The following GOLGA8B variants were observed in gnomAD, a reference collection of about 807,000 sequenced individuals.
GOLGA8B encodes the protein golgin subfamily A member 8B.
A neutral mutation model predicts 15.6 loss-of-function variants in GOLGA8B; 1 was observed. The ratio of observed to expected loss-of-function variants is 0.06; its 90% CI spans 0.02 to 0.30. The LOEUF (loss-of-function observed/expected upper bound fraction) is 0.30. GOLGA8B is among the 10% of genes least tolerant of loss of function. The pLI is 1.00. For missense variants in GOLGA8B, 17 were observed against 201.3 expected (o/e 0.08, Z 5.54); for synonymous variants, 9 against 80.3 (o/e 0.11, Z 4.75).
rs1471238836 is a variant in GOLGA8B at position 34,546,985 on chromosome 15, A to G, written c.-574-3T>C. ...CCAGTTGACAACGACAACAGTTTCT[A>G]TATAACAAAAGTGAGAGAAAATACT... On this transcript the variant is annotated splice_region_variant and splice_polypyrimidine_tract_variant and intron_variant, in intron 4 of 23. Coordinates refer to ENST00000683415, the MANE Select transcript of GOLGA8B (RefSeq NM_001023567.5). 1 of 107,584 alleles carries G rather than the reference A, an allele frequency of 9.3e-6. No homozygotes were observed. The highest frequency in any genetic ancestry group is 1.8e-5 in the Non-Finnish European group (1 of 56,882). The allele number at this position is 107,584 out of a possible 1,614,324, so 6.7% of individuals were successfully genotyped here. A position where few individuals can be genotyped will look rare whatever the true frequency, so the allele number is the denominator to read the frequency against.
chr15:34,566,026 T>C (rs1595707525), intron 1 of GOLGA8B: 1 of 102,526 alleles, frequency 9.8e-6, no homozygotes, highest in Admixed American at 9.6e-5. Flanking sequence ...AAGGAAGTTC[T>C]GACGCACGCT....
intron 1 of GOLGA8B, among the ~76,000 whole-genome samples, chr15:34,572,021 A>G (rs186450124): frequency 3.9e-4 from 59 of 152,360 alleles, no homozygotes; most frequent in Admixed American, 3.8e-3. Context: ...AGAGAATTAG[A>G]AAGAGAAATT....
chr15:34,573,053 C>T (rs1010613422), intron 1 of GOLGA8B, among the ~76,000 whole-genome samples: 5 of 152,114 alleles, frequency 3.3e-5, no homozygotes, highest in Admixed American at 1.3e-4. Flanking sequence ...AGTTCAAGTC[C>T]AGCCTAGAGA....
intron 1 of GOLGA8B, chr15:34,556,935 C>T: frequency 1.4e-6 from 1 of 696,282 alleles, no homozygotes; most frequent in African/African-American, 1.9e-5. Flanking sequence ...CCTTACAGTT[C>T]TAATGGTGGC....
intron 1 of GOLGA8B, chr15:34,582,833 C>T (rs965203419): frequency 1.2e-4 from 18 of 152,206 alleles, no homozygotes; most frequent in Non-Finnish European, 2.6e-4. Flanking sequence ...GCCAGATCTC[C>T]CTCCAGCAGC....
At chr15:34,543,411 T>C (rs2140333878) in intron 7 of GOLGA8B, among the ~76,000 whole-genome samples, 1 of 143,138 alleles carries the variant, frequency 7.0e-6, no homozygotes, top group East Asian at 2.1e-4. Flanking sequence ...CTCACCATGC[T>C]GCCCAGGCTT....
intron 1 of GOLGA8B, among the ~76,000 whole-genome samples, chr15:34,577,559 CAG>C (rs1420795516): frequency 5.0e-5 from 6 of 120,948 alleles, no homozygotes; most frequent in African/African-American, 1.9e-4. Flanking sequence ...CACACACACA[CAG>C]ATGCGTCACT....
intron 1 of GOLGA8B, among the ~76,000 whole-genome samples, chr15:34,581,018 G>A (rs1231804709): frequency 6.6e-6 from 1 of 152,186 alleles, no homozygotes; most frequent in Non-Finnish European, 1.5e-5. Flanking sequence ...TTTCTCTAAG[G>A]ACCAGGCTGA....
intron 1 of GOLGA8B, among the ~76,000 whole-genome samples, chr15:34,573,232 G>A (rs1358389085): frequency 6.6e-6 from 1 of 152,104 alleles, no homozygotes; most frequent in Non-Finnish European, 1.5e-5. Context: ...AAATAGACAA[G>A]CACTTTAAAA....
At chr15:34,563,725 A>C (rs1175986363) in intron 1 of GOLGA8B, among the ~76,000 whole-genome samples, 9 of 151,618 alleles carry the variant, frequency 5.9e-5, no homozygotes, top group Admixed American at 1.3e-4. Context: ...CCATGGACTT[A>C]AAGCATAAAG....
At chr15:34,566,689 G>A (rs1002349282) in intron 1 of GOLGA8B, among the ~76,000 whole-genome samples, 7 of 145,062 alleles carry the variant, frequency 4.8e-5, no homozygotes, top group South Asian at 2.1e-4. Context: ...GGCCAGCGGC[G>A]CAGGAAAACC....
rs916126765 is a variant in GOLGA8B at position 34,571,810 on chromosome 15, T to G, written c.-1123+11706A>C. Among the ~76,000 whole-genome samples, 11 of 152,048 alleles carry G rather than the reference T, an allele frequency of 7.2e-5. No individual in the cohort carries two copies. The East Asian group carries it at 1.9e-3, about 27-fold the overall frequency. Reference sequence around the variant, plus strand: ...AATTCAGGAGTAATTAAAGCAAGCTTGATAGTTTTAACAATGTAAAATTTC... The same window carrying G: ...AATTCAGGAGTAATTAAAGCAAGCTGGATAGTTTTAACAATGTAAAATTTC... On this transcript the variant is annotated intron_variant, in intron 1 of 23. Transcript: ENST00000683415.
intron 1 of GOLGA8B, among the ~76,000 whole-genome samples, chr15:34,581,769 T>C (rs1052869743): frequency 1.3e-5 from 2 of 152,124 alleles, no homozygotes; most frequent in Non-Finnish European, 1.5e-5. Flanking sequence ...GGACTCAGCC[T>C]GCAGCTTCTC....
rs1386321305 is a variant in GOLGA8B, at chr15:34,583,580, C to CG, written c.-1188dup. On this transcript the variant is annotated 5_prime_UTR_variant, in exon 1 of 24. Coordinates refer to ENST00000683415, the MANE Select transcript of GOLGA8B (RefSeq NM_001023567.5). ...TCGCCCCGCAGCCGCCGGCTCCGTC[C>CG]GGGAGGCTGAGCTCCTTGAGAGCCC... 6.6e-6 allele frequency: 1 copy of CG among 152,468 alleles called. No individual in the cohort carries two copies. Among genetic ancestry groups the CG allele is most frequent in the African/African-American group, 2.4e-5 (1 of 41,442 alleles). 9.4% of individuals were successfully genotyped at this position (152,468 alleles called of 1,614,324 possible). A position where few individuals can be genotyped will look rare whatever the true frequency, so the allele number is the denominator to read the frequency against.
At chr15:34,575,106 TA>T (rs67726333) in intron 1 of GOLGA8B, among the ~76,000 whole-genome samples, 16,858 of 138,234 alleles carry the variant, frequency 0.12, 1,151 homozygotes, top group East Asian at 0.28. Flanking sequence ...TAAATCCTTG[TA>T]AAAAAAAAAA....
intron 1 of GOLGA8B, among the ~76,000 whole-genome samples, chr15:34,580,063 T>G: frequency 6.6e-6 from 1 of 151,210 alleles, no homozygotes; most frequent in Non-Finnish European, 1.5e-5. Context: ...TGGGGGTGGC[T>G]GATGCCAAGG....
chr15:34,583,299 G>T (rs555873107), intron 1 of GOLGA8B, among the ~76,000 whole-genome samples: 1 of 152,202 alleles, frequency 6.6e-6, no homozygotes, highest in East Asian at 1.9e-4. Flanking sequence ...CGTGGGAGGA[G>T]GATGGGCCGG....
At chr15:34,574,424 C>T (rs1407674107) in intron 1 of GOLGA8B, among the ~76,000 whole-genome samples, 1 of 151,940 alleles carries the variant, frequency 6.6e-6, no homozygotes, top group African/African-American at 2.4e-5. Flanking sequence ...CCACCTCAGC[C>T]TCCCAAGTAG....
intron 1 of GOLGA8B, among the ~76,000 whole-genome samples, chr15:34,583,292 GGGA>G (rs922558506): frequency 2.0e-5 from 3 of 152,160 alleles, no homozygotes; most frequent in South Asian, 4.1e-4. Context: ...CGCCTGTCGT[GGGA>G]GGAGGATGGG....
Sources: gnomAD v4.1 joint callset for allele counts (sites outside exome capture counted in the v4.1 genomes callset) on GRCh38, gnomAD v4.1.1 for gene constraint, MANE v1.5 for transcripts, NCBI Gene and HGNC (gene_info 2026-07-23, HGNC 2026-07-21) for gene names.